Variants in BEND7 observed in about 807,000 individuals in gnomAD.
BEND7 encodes BEN domain containing 7.
A neutral mutation model predicts 50.9 loss-of-function variants in BEND7; 28 were observed. The observed-to-expected ratio is 0.55, with a 90% CI of 0.41 to 0.75. The LOEUF is 0.75. Ranked by LOEUF, BEND7 falls within the 30% of genes least tolerant of loss-of-function variation. BEND7 has a pLI of 0.00. For missense variants in BEND7, 477 were observed against 491.3 expected (o/e 0.97, Z 0.28); for synonymous variants, 170 against 183.9 (o/e 0.92, Z 0.61).
intron 8 of BEND7, chr10:13,444,098 C>A (rs903235750): frequency 4.0e-5 from 6 of 151,846 alleles, no homozygotes; most frequent in South Asian, 2.1e-4. Flanking sequence ...TCCCCAGCTC[C>A]TGGGTGGCTT....
At chr10:13,520,849 C>T (rs987757884) in intron 2 of BEND7, among the ~76,000 whole-genome samples, 3 of 152,178 alleles carry the variant, frequency 2.0e-5, no homozygotes, top group Non-Finnish European at 2.9e-5. Context: ...ACAAGTCATA[C>T]GTGAGAACGA....
chr10:13,522,445 T>C (rs2079145778), intron 2 of BEND7, among the ~76,000 whole-genome samples: 1 of 152,208 alleles, frequency 6.6e-6, no homozygotes, highest in Non-Finnish European at 1.5e-5. Context: ...TGAGCTTCGG[T>C]TCCCATCATT....
chr10:13,476,437 C>T (rs909300111), intron 6 of BEND7, among the ~76,000 whole-genome samples: 2 of 152,186 alleles, frequency 1.3e-5, no homozygotes, highest in African/African-American at 4.8e-5. Flanking sequence ...CTTCACTTGA[C>T]GTGCCTATGT....
chr10:13,529,251 G>A (rs778551184), upstream of BEND7, among the ~76,000 whole-genome samples: 1 of 149,626 alleles, frequency 6.7e-6, no homozygotes, highest in Non-Finnish European at 1.5e-5. Flanking sequence ...CGCCGCCCGG[G>A]CCTCCGCTCG....
At chr10:13,467,550 C>T (rs2074377583) in intron 6 of BEND7, among the ~76,000 whole-genome samples, 1 of 152,122 alleles carries the variant, frequency 6.6e-6, no homozygotes, top group East Asian at 1.9e-4. Context: ...ACAAACTTGG[C>T]TTTTTTATTT....
Position 13,500,013 on chromosome 10 carries a change from C to A in BEND7, c.213G>T (p.Gly71=), listed in dbSNP as rs2077325855. The A allele has an allele frequency of 1.2e-6, 2 of 1,613,840 alleles. No individual in the cohort carries two copies. Among genetic ancestry groups the A allele is most frequent in the Non-Finnish European group, 8.5e-7 (1 of 1,179,834 alleles). ...GMRRLLNDST[G]RIYQRVGKEG... The stretch of plus-strand genomic sequence containing the variant: ...CTTTGCCAACTCGCTGATAGATCCG[C>A]CCAGTGCTGTCGTTCAGCAATCTTC... The change falls in exon 3 of 9, where the codon GGG becomes GGT. Residue 71 remains glycine, a synonymous_variant. Coordinates refer to ENST00000466271, the MANE Select transcript of BEND7 (RefSeq NM_001369863.1).
intron 3 of BEND7, among the ~76,000 whole-genome samples, chr10:13,498,180 C>T (rs2077171494): frequency 6.7e-6 from 1 of 149,824 alleles, no homozygotes; most frequent in Non-Finnish European, 1.5e-5. Flanking sequence ...GGCTCAAGCG[C>T]TTCTCATGCC....
chr10:13,460,246 A>G (rs1839940452), intron 6 of BEND7, among the ~76,000 whole-genome samples: 1 of 152,196 alleles, frequency 6.6e-6, no homozygotes, highest in Non-Finnish European at 1.5e-5. Flanking sequence ...CAGGGACCAG[A>G]GACACAGAGA....
intron 2 of BEND7, among the ~76,000 whole-genome samples, chr10:13,523,524 A>G (rs2079220691): frequency 6.6e-6 from 1 of 152,234 alleles, no homozygotes; most frequent in African/African-American, 2.4e-5. Flanking sequence ...TGAATGTAGA[A>G]AATCCTATAG....
At chr10:13,510,975 C>T (rs7072066) in intron 2 of BEND7, among the ~76,000 whole-genome samples, 50,836 of 151,962 alleles carry the variant, frequency 0.33, 9,406 homozygotes, top group East Asian at 0.66. Context: ...GTCAGGTGTT[C>T]AAGGCCAGCC....
chr10:13,470,317 T>C (rs1210388346), intron 6 of BEND7, among the ~76,000 whole-genome samples: 2 of 152,236 alleles, frequency 1.3e-5, no homozygotes, highest in Admixed American at 1.3e-4. Flanking sequence ...AAATCGACAG[T>C]GTCCACAACG....
At chr10:13,451,512 T>G (rs1323996356) in intron 7 of BEND7, among the ~76,000 whole-genome samples, 5 of 152,032 alleles carry the variant, frequency 3.3e-5, no homozygotes, top group Admixed American at 2.0e-4. Context: ...TATTTTTAAT[T>G]TTTGAGGAAC....
rs537006351 is a variant in BEND7, at chr10:13,522,562, C to T, written c.145+3576G>A. Among the ~76,000 whole-genome samples the T allele has an allele frequency of 8.4e-4, 128 of 152,326 alleles. 1 individual carries two copies. Among genetic ancestry groups the T allele is most frequent in the African/African-American group, 3.0e-3 (124 of 41,564 alleles). ...AAACCATAAGTGCAACACTCATGGT[C>T]GAGCTATAATGATGCTTATTGGCGG... On this transcript the variant is annotated intron_variant, in intron 2 of 8. Transcript: ENST00000466271.
chr10:13,498,099 A>C (rs1164400589), intron 3 of BEND7, among the ~76,000 whole-genome samples: 3 of 130,366 alleles, frequency 2.3e-5, no homozygotes, highest in Non-Finnish European at 3.1e-5. Context: ...TTTTTGAGAC[A>C]GGGTCTCGCT....
intron 1 of BEND7, 144 bp downstream of exon 1, chr10:13,528,329 C>A: frequency 5.2e-6 from 1 of 193,558 alleles, no homozygotes; most frequent in Non-Finnish European, 9.4e-6. Flanking sequence ...GCGGCCGCGG[C>A]CCTGCCTGCC....
chr10:13,502,701 G>A (rs1375267907), intron 2 of BEND7, among the ~76,000 whole-genome samples: 2 of 152,150 alleles, frequency 1.3e-5, no homozygotes, highest in African/African-American at 4.8e-5. Context: ...TCTTTTCTGT[G>A]TGGTTTCCAC....
intron 8 of BEND7, chr10:13,446,319 GC>G (rs775492096): frequency 1.8e-4 from 27 of 152,170 alleles, no homozygotes; most frequent in Non-Finnish European, 3.2e-4. Flanking sequence ...GGCTTTCCTT[GC>G]CATTTTGGGA....
At chr10:13,486,394 G>C (rs576106434) in intron 5 of BEND7, among the ~76,000 whole-genome samples, 1 of 152,190 alleles carries the variant, frequency 6.6e-6, no homozygotes, top group African/African-American at 2.4e-5. Flanking sequence ...GAGCATGTGG[G>C]ACTAGATGCT....
intron 1 of BEND7, chr10:13,527,898 T>C (rs1181928758): frequency 1.1e-6 from 1 of 951,820 alleles, no homozygotes; most frequent in Admixed American, 6.2e-5. Flanking sequence ...CTTTTTTCTT[T>C]TTTTTAAAGG....
Sources: allele counts gnomAD v4.1 joint callset (sites outside exome capture counted in the v4.1 genomes callset), GRCh38; gene constraint gnomAD v4.1.1; transcripts MANE v1.5; gene names NCBI Gene and HGNC (gene_info 2026-07-23, HGNC 2026-07-21).